The following TRPM3 variants were observed in gnomAD, a reference collection of about 807,000 sequenced individuals.
TRPM3 encodes the protein transient receptor potential cation channel subfamily M member 3, also known as long transient receptor potential channel 3.
TRPM3 carries 77 observed loss-of-function variants against 181.2 expected under a neutral mutation model. The observed-to-expected ratio is 0.42, with a 90% CI of 0.35 to 0.51. The LOEUF (loss-of-function observed/expected upper bound fraction) is 0.51, where lower values mean the gene tolerates loss of function less well. TRPM3 is among the 20% of genes least tolerant of loss of function. The pLI, the probability that TRPM3 is intolerant of heterozygous loss-of-function variation, is 0.01. For missense variants in TRPM3, 1,759 were observed against 2,196.7 expected, an observed-to-expected ratio of 0.80 and a Z score of 3.98; for synonymous variants, 745 against 796.4, an observed-to-expected ratio of 0.94 and a Z score of 1.09.
chr9:71,264,307 T>C (rs1411499), intron 1 of TRPM3, among the ~76,000 whole-genome samples: 79,740 of 151,902 alleles, frequency 0.52, 21,060 homozygotes, highest in African/African-American at 0.56. Flanking sequence ...TCATTCATAT[T>C]GACAAAAGCA....
intron 9 of TRPM3, among the ~76,000 whole-genome samples, chr9:70,660,401 T>C (rs1324515791): frequency 6.6e-6 from 1 of 152,124 alleles, no homozygotes; most frequent in African/African-American, 2.4e-5. Context: ...AGAAGCCCCC[T>C]CTCTGCTTCG....
chr9:70,642,975 C>T (rs949058395), intron 9 of TRPM3, among the ~76,000 whole-genome samples: 3 of 152,034 alleles, frequency 2.0e-5, no homozygotes, highest in Non-Finnish European at 2.9e-5. Flanking sequence ...TGCTCTGTTC[C>T]CTTCGTAGGT....
intron 1 of TRPM3, among the ~76,000 whole-genome samples, chr9:70,888,122 G>A (rs2096123452): frequency 6.6e-6 from 1 of 152,078 alleles, no homozygotes; most frequent in Admixed American, 6.5e-5. Flanking sequence ...ATTGTAGCAT[G>A]CTCCATAGAA....
chr9:70,819,082 GA>G (rs1479760169), intron 6 of TRPM3, among the ~76,000 whole-genome samples: 1 of 152,094 alleles, frequency 6.6e-6, no homozygotes, highest in African/African-American at 2.4e-5. Flanking sequence ...GAAAGATTTA[GA>G]AAAAACAAAA....
chr9:71,299,854 G>T (rs926519110), intron 1 of TRPM3, among the ~76,000 whole-genome samples: 1 of 152,040 alleles, frequency 6.6e-6, no homozygotes, highest in Non-Finnish European at 1.5e-5. Context: ...GAGGGCAAAA[G>T]TTAACTAAGC....
intron 1 of TRPM3, among the ~76,000 whole-genome samples, chr9:71,226,673 T>TAC (rs1471511621): frequency 6.6e-6 from 1 of 151,986 alleles, no homozygotes; most frequent in Non-Finnish European, 1.5e-5. Flanking sequence ...GATATATATA[T>TAC]ACACACACAT....
chr9:71,199,041 C>T lies in TRPM3; in HGVS notation c.183+247612G>A, dbSNP rs879628622. Among the ~76,000 whole-genome samples, 590 of 148,430 alleles carry T rather than the reference C, an allele frequency of 4.0e-3. 1 individual carries two copies. The highest frequency in any genetic ancestry group is 0.01 in the Middle Eastern group (3 of 294). On this transcript the variant is annotated intron_variant, in intron 1 of 24. Transcript: ENST00000357533. ...AGATAGCTCTTATTATTTTGAGATA[C>T]GTCCCATCAATACCTAATTTATTGA... is the stretch of plus-strand genomic sequence containing the variant.
intron 1 of TRPM3, among the ~76,000 whole-genome samples, chr9:71,221,987 AT>A (rs372966606): frequency 1.3e-5 from 2 of 152,118 alleles, no homozygotes; most frequent in African/African-American, 2.4e-5. Flanking sequence ...GGGTTCTTAC[AT>A]TTTTTTATCT....
chr9:70,557,082 G>T (rs1486727591), intron 22 of TRPM3, among the ~76,000 whole-genome samples: 3 of 152,172 alleles, frequency 2.0e-5, no homozygotes, highest in African/African-American at 7.2e-5. Context: ...TGAATACAGG[G>T]TATATTGGGA....
chr9:70,622,117 G>A (rs1347122090), intron 14 of TRPM3, among the ~76,000 whole-genome samples: 1 of 152,096 alleles, frequency 6.6e-6, no homozygotes, highest in Non-Finnish European at 1.5e-5. Context: ...TATAAAAGAG[G>A]CTCAATGCAG....
intron 22 of TRPM3, among the ~76,000 whole-genome samples, chr9:70,568,474 T>C (rs546078244): frequency 3.9e-4 from 59 of 152,372 alleles, no homozygotes; most frequent in Admixed American, 1.8e-3. Context: ...GAAAACACTT[T>C]AGAATTTCTG....
chr9:71,334,192 AATT>A (rs1253406094), intron 1 of TRPM3, among the ~76,000 whole-genome samples: 2 of 151,784 alleles, frequency 1.3e-5, no homozygotes, highest in African/African-American at 4.8e-5. Flanking sequence ...TAGAGAAAAA[AATT>A]ATAACTAAGT....
At chr9:70,681,718 G>T (rs1027566001) in intron 8 of TRPM3, 140 bp from the exon 9 acceptor site, 36 of 712,574 alleles carry the variant, frequency 5.1e-5, no homozygotes, top group Non-Finnish European at 7.7e-5. Context: ...CACATAACAA[G>T]AATCCGATGA....
intron 8 of TRPM3, among the ~76,000 whole-genome samples, chr9:70,694,878 T>G (rs2134529716): frequency 6.6e-6 from 1 of 152,356 alleles, no homozygotes; most frequent in East Asian, 1.9e-4. Context: ...TGATCTCTAT[T>G]CTACACCACA....
chr9:71,074,169 A>G (rs1173987551), intron 1 of TRPM3, among the ~76,000 whole-genome samples: 1 of 152,166 alleles, frequency 6.6e-6, no homozygotes, highest in African/African-American at 2.4e-5. Context: ...GGTAAGGCAT[A>G]TATGGTTATC....
intron 6 of TRPM3, among the ~76,000 whole-genome samples, chr9:70,819,360 C>T (rs2092973486): frequency 6.6e-6 from 1 of 152,146 alleles, no homozygotes; most frequent in South Asian, 2.1e-4. Flanking sequence ...CATATTTTTG[C>T]AGATATTTCT....
At chr9:70,639,578 G>T (rs529175907) in intron 10 of TRPM3, among the ~76,000 whole-genome samples, 37 of 152,056 alleles carry the variant, frequency 2.4e-4, no homozygotes, top group Admixed American at 1.4e-3. Context: ...GTTATCCTTA[G>T]GCTCTGAGGG....
At chr9:71,424,660 G>A (rs1588972120) in intron 1 of TRPM3, among the ~76,000 whole-genome samples, 1 of 151,998 alleles carries the variant, frequency 6.6e-6, no homozygotes, top group East Asian at 1.9e-4. Flanking sequence ...CTCTCAGTTT[G>A]TATTTTATAG....
chr9:70,634,813 G>A (rs1188535374), intron 12 of TRPM3, among the ~76,000 whole-genome samples: 1 of 152,148 alleles, frequency 6.6e-6, no homozygotes, highest in Non-Finnish European at 1.5e-5. Flanking sequence ...TCTATGTAAT[G>A]CTAGATGTGA....
Sources: allele counts gnomAD v4.1 joint callset (sites outside exome capture counted in the v4.1 genomes callset), GRCh38; gene constraint gnomAD v4.1.1; transcripts MANE v1.5; gene names NCBI Gene and HGNC (gene_info 2026-07-23, HGNC 2026-07-21).